MTA3: variants seen among roughly 807,000 people sequenced by gnomAD.
MTA3 encodes the protein metastasis associated 1 family member 3, also known as metastasis-associated protein MTA3.
Under a neutral mutation model 83.5 loss-of-function variants are expected in MTA3, and 34 were observed. The ratio of observed to expected loss-of-function variants is 0.41; its 90% CI spans 0.31 to 0.54. The LOEUF (loss-of-function observed/expected upper bound fraction) is 0.54, where lower values mean the gene tolerates loss of function less well. Ranked by LOEUF, MTA3 falls within the 20% of genes least tolerant of loss-of-function variation. The probability of loss-of-function intolerance (pLI) is 0.33; values close to 1 mark genes in which losing one functional copy is unlikely to be tolerated. For missense variants in MTA3, 761 were observed against 726.4 expected, an observed-to-expected ratio of 1.05 and a Z score of -0.55; for synonymous variants, 303 against 252.7, an observed-to-expected ratio of 1.20 and a Z score of -1.89.
chr2:42,523,065 C>A (rs1675497523), intron 2 of MTA3, among the ~76,000 whole-genome samples: 1 of 152,088 alleles, frequency 6.6e-6, no homozygotes, highest in South Asian at 2.1e-4. Flanking sequence ...CCATCTCAGG[C>A]CTCCCAGAGT....
chr2:42,597,530 C>A (rs762854293), intron 3 of MTA3, among the ~76,000 whole-genome samples: 1 of 150,256 alleles, frequency 6.7e-6, no homozygotes, highest in East Asian at 2.0e-4. Context: ...GGATTACAGG[C>A]GTGCACTACC....
At chr2:42,591,854 T>A (rs574573288) in intron 3 of MTA3, among the ~76,000 whole-genome samples, 30 of 152,268 alleles carry the variant, frequency 2.0e-4, no homozygotes, top group South Asian at 6.2e-4. Flanking sequence ...TTTCACCATG[T>A]TGGCCAGGAT....
chr2:42,630,351 T>G (rs1686556173), intron 4 of MTA3, among the ~76,000 whole-genome samples: 1 of 152,226 alleles, frequency 6.6e-6, no homozygotes, highest in South Asian at 2.1e-4. Context: ...TTGTAATATA[T>G]GATTCAGAAA....
intron 2 of MTA3, among the ~76,000 whole-genome samples, chr2:42,512,004 G>A (rs964347982): frequency 4.6e-5 from 7 of 151,752 alleles, no homozygotes; most frequent in South Asian, 2.1e-4. Flanking sequence ...GCGACAGAGC[G>A]AGACTCCATC....
intron 2 of MTA3, among the ~76,000 whole-genome samples, chr2:42,518,415 C>T (rs563172771): frequency 3.3e-5 from 5 of 152,154 alleles, no homozygotes; most frequent in Admixed American, 6.6e-5. Context: ...ATGTCAAAGC[C>T]ACAGAAGAAC....
chr2:42,568,585 T>G (rs2103818014), upstream of MTA3: 9 of 130,140 alleles, frequency 6.9e-5, no homozygotes, highest in Non-Finnish European at 9.4e-5. Context: ...TACCATCCCC[T>G]TTACTTCCCC....
At position 42,697,763 on chromosome 2, in the gene MTA3, T is replaced by C. The variant is rs887355729; in HGVS notation, c.967-13T>C. The C allele has an allele frequency of 5.9e-6, 9 of 1,523,578 alleles. No homozygotes were observed. Among genetic ancestry groups the C allele is most frequent in the Non-Finnish European group, 7.1e-6 (8 of 1,132,870 alleles). 94.4% of individuals were successfully genotyped at this position (1,523,578 alleles called of 1,614,324 possible). On this transcript the variant is annotated splice_polypyrimidine_tract_variant and intron_variant, in intron 10 of 16. Coordinates refer to ENST00000405094, the MANE Select transcript of MTA3 (RefSeq NM_001330442.2). ...CATTGCATGTAAAATGTTTTATTCA[T>C]CTTTTGAATTAGAAACGTCTAAAAG...
At chr2:42,636,968 G>C (rs1022610934) in intron 4 of MTA3, among the ~76,000 whole-genome samples, 4 of 152,134 alleles carry the variant, frequency 2.6e-5, no homozygotes, top group Non-Finnish European at 4.4e-5. Context: ...TTAGATAAAA[G>C]AAATATATAA....
chr2:42,670,377 C>A (rs1690686115), intron 8 of MTA3, among the ~76,000 whole-genome samples: 1 of 152,042 alleles, frequency 6.6e-6, no homozygotes, highest in South Asian at 2.1e-4. Flanking sequence ...ACCACATTTG[C>A]TTTATTATTA....
intron 16 of MTA3, among the ~76,000 whole-genome samples, chr2:42,739,257 G>A (rs553314244): frequency 1.9e-4 from 29 of 152,060 alleles, no homozygotes; most frequent in African/African-American, 6.3e-4. Context: ...CAAGCCAGCC[G>A]ACACTTAGGA....
intron 7 of MTA3, among the ~76,000 whole-genome samples, chr2:42,658,931 CAAA>C (rs528285589): frequency 0.037 from 3,819 of 102,086 alleles, 54 homozygotes; most frequent in Non-Finnish European, 0.058. Flanking sequence ...TTTAATTAGC[CAAA>C]AAAAAAAAAA....
chr2:42,539,669 C>T (rs1460601807), intron 2 of MTA3, among the ~76,000 whole-genome samples: 1 of 142,212 alleles, frequency 7.0e-6, no homozygotes, highest in East Asian at 2.3e-4. Flanking sequence ...GCAGCCTCAA[C>T]TGCCTGGACT....
At chr2:42,704,599 T>G (rs1056498709) in intron 12 of MTA3, among the ~76,000 whole-genome samples, 7 of 152,238 alleles carry the variant, frequency 4.6e-5, no homozygotes, top group Non-Finnish European at 8.8e-5. Flanking sequence ...GAGTTGTGTT[T>G]AGAGTCATAT....
chr2:42,749,909 A>G (rs1022706266), intron 16 of MTA3, among the ~76,000 whole-genome samples: 7 of 152,214 alleles, frequency 4.6e-5, no homozygotes, highest in African/African-American at 1.7e-4. Context: ...CAGTTAAGAA[A>G]AAACAACATA....
At chr2:42,515,000 A>C (rs1014024153) in intron 2 of MTA3, among the ~76,000 whole-genome samples, 1 of 151,164 alleles carries the variant, frequency 6.6e-6, no homozygotes, top group African/African-American at 2.4e-5. Context: ...CTAAACTTTT[A>C]TATTTTTCTT....
intron 5 of MTA3, among the ~76,000 whole-genome samples, chr2:42,641,849 A>G (rs553255990): frequency 6.6e-6 from 1 of 152,136 alleles, no homozygotes; most frequent in Admixed American, 6.5e-5. Flanking sequence ...TCTGGGTGAC[A>G]GAGTGAGACC....
At chr2:42,626,886 C>T (rs1686154411) in intron 4 of MTA3, among the ~76,000 whole-genome samples, 1 of 150,970 alleles carries the variant, frequency 6.6e-6, no homozygotes, top group African/African-American at 2.4e-5. Context: ...GATTACAGGC[C>T]TACCCCACCA....
chr2:42,618,785 T>G (rs1227976088), intron 4 of MTA3, among the ~76,000 whole-genome samples: 5 of 152,082 alleles, frequency 3.3e-5, no homozygotes, highest in Admixed American at 6.6e-5. Context: ...TTAAAATAAT[T>G]TTTTTGGTAG....
intron 10 of MTA3, 140 bp from the exon 11 acceptor site, chr2:42,697,636 T>TA (rs1693506411): frequency 3.4e-6 from 2 of 594,268 alleles, no homozygotes; most frequent in East Asian, 6.4e-5. Context: ...AGTTTAAGAA[T>TA]ATGCATATGA....
Sources: allele counts gnomAD v4.1 joint callset (sites outside exome capture counted in the v4.1 genomes callset), GRCh38; gene constraint gnomAD v4.1.1; transcripts MANE v1.5; gene names NCBI Gene and HGNC (gene_info 2026-07-23, HGNC 2026-07-21).